Variants in TAF4B observed in about 807,000 individuals in gnomAD.
The protein encoded by TAF4B is transcription initiation factor TFIID subunit 4B.
Under a neutral mutation model 86.4 loss-of-function variants are expected in TAF4B, and 38 were observed. The ratio of observed to expected loss-of-function variants is 0.44; its 90% CI spans 0.34 to 0.58. The LOEUF is 0.58. TAF4B is among the 20% of genes least tolerant of loss of function. TAF4B has a pLI of 0.02. For missense variants in TAF4B, 988 were observed against 1,027.6 expected, an observed-to-expected ratio of 0.96 and a Z score of 0.53; for synonymous variants, 388 against 391.2, an observed-to-expected ratio of 0.99 and a Z score of 0.10.
chr18:26,334,611 G>A (rs1361425638), intron 12 of TAF4B, among the ~76,000 whole-genome samples: 2 of 152,130 alleles, frequency 1.3e-5, no homozygotes, highest in African/African-American at 4.8e-5. Flanking sequence ...ATGGTGCACA[G>A]CATTCTATTA....
chr18:26,322,794 C>T lies in TAF4B; in HGVS notation c.2133+1594C>T, dbSNP rs75451607. On this transcript the variant is annotated intron_variant, in intron 11 of 14. Transcript: ENST00000269142. ...TTCTAAGCTTCAGGCTTAGTTTGCT[C>T]TTCTTTTTTTTTAGTTTCATAAGAT... Among the ~76,000 whole-genome samples, 97 of 151,894 alleles carry T rather than the reference C, an allele frequency of 6.4e-4. 1 individual carries two copies. The East Asian group carries it at 9.9e-3, about 15-fold the overall frequency.
intron 10 of TAF4B, among the ~76,000 whole-genome samples, chr18:26,319,746 C>A (rs1034445887): frequency 6.6e-6 from 1 of 151,986 alleles, no homozygotes; most frequent in African/African-American, 2.4e-5. Flanking sequence ...TGCACCACCA[C>A]GACCAGCTAT....
chr18:26,339,630 T>G (rs775700486), intron 13 of TAF4B, among the ~76,000 whole-genome samples: 7 of 152,216 alleles, frequency 4.6e-5, no homozygotes, highest in Non-Finnish European at 1.0e-4. Flanking sequence ...GCCCGCTGAA[T>G]TGTTTTTTAA....
chr18:26,260,640 T>C (rs1355370974), intron 1 of TAF4B, among the ~76,000 whole-genome samples: 3 of 152,240 alleles, frequency 2.0e-5, no homozygotes. Flanking sequence ...CATTGGTCTA[T>C]ATTTTTCATC....
intron 1 of TAF4B, 131 bp downstream of exon 1, chr18:26,227,407 A>G (rs966338221): frequency 2.5e-6 from 2 of 797,870 alleles, no homozygotes; most frequent in Admixed American, 3.0e-5. Context: ...TACAGTTAAC[A>G]TATTCTTTTT....
intron 14 of TAF4B, among the ~76,000 whole-genome samples, chr18:26,388,646 T>C (rs1332861965): frequency 6.6e-6 from 1 of 152,184 alleles, no homozygotes; most frequent in Non-Finnish European, 1.5e-5. Context: ...TCTTTGCTAA[T>C]CTCTGCCTAT....
chr18:26,354,571 T>C (rs1185091380), intron 13 of TAF4B, among the ~76,000 whole-genome samples: 1 of 152,228 alleles, frequency 6.6e-6, no homozygotes, highest in Admixed American at 6.5e-5. Flanking sequence ...TGGCTTGAGC[T>C]GTTAGAAACT....
chr18:26,383,543 G>T (rs985217921), intron 14 of TAF4B, among the ~76,000 whole-genome samples: 2 of 152,144 alleles, frequency 1.3e-5, no homozygotes, highest in African/African-American at 2.4e-5. Context: ...CATTCAATTG[G>T]AAATCATTAA....
intron 9 of TAF4B, among the ~76,000 whole-genome samples, chr18:26,312,284 G>A (rs1008016443): frequency 3.3e-5 from 5 of 152,162 alleles, no homozygotes; most frequent in African/African-American, 1.2e-4. Context: ...TTACTGATAT[G>A]CTGCTAGAAC....
intron 14 of TAF4B, among the ~76,000 whole-genome samples, chr18:26,385,507 A>G (rs1978324487): frequency 6.6e-6 from 1 of 152,020 alleles, no homozygotes; most frequent in African/African-American, 2.4e-5. Context: ...AGGTTTGAGT[A>G]GGCTTCCTAG....
At chr18:26,336,655 C>T (rs138226404) in intron 13 of TAF4B, among the ~76,000 whole-genome samples, 2 of 152,226 alleles carry the variant, frequency 1.3e-5, no homozygotes, top group Non-Finnish European at 2.9e-5. Context: ...GAGAACTGTA[C>T]CTATAATTCT....
At chr18:26,324,327 G>C (rs1282061931) in intron 11 of TAF4B, among the ~76,000 whole-genome samples, 3 of 152,120 alleles carry the variant, frequency 2.0e-5, no homozygotes, top group Non-Finnish European at 4.4e-5. Flanking sequence ...GGCCAGGCTG[G>C]TCTCAAACTC....
chr18:26,337,233 G>A (rs546530999), intron 13 of TAF4B, among the ~76,000 whole-genome samples: 1 of 152,190 alleles, frequency 6.6e-6, no homozygotes, highest in Non-Finnish European at 1.5e-5. Context: ...TCCAAGAACA[G>A]AGCCACTCTG....
At chr18:26,289,301 T>G (rs2056564053) in intron 7 of TAF4B, among the ~76,000 whole-genome samples, 1 of 152,200 alleles carries the variant, frequency 6.6e-6, no homozygotes, top group Non-Finnish European at 1.5e-5. Flanking sequence ...CCATGCAGCT[T>G]ATAAGAAATA....
At position 26,274,990 on chromosome 18, in the gene TAF4B, A is replaced by G; in HGVS notation, c.819A>G (p.Ala273=). ...TCCTTGCAATGTTAATAAAACTAGC[A>G]TGTAGTGGATCACAGTCCCCAGAAA... ...KNFLAMLIKL[A]CSGSQSPEMG... is the part of the protein sequence containing the mutation. The change falls in exon 5 of 15, where the codon GCA becomes GCG. Residue 273 remains alanine (A), a synonymous_variant. Transcript: ENST00000269142. The G allele has an allele frequency of 1.9e-6, 3 of 1,612,902 alleles. No individual in the cohort carries two copies. The highest frequency in any genetic ancestry group is 2.5e-6 in the Non-Finnish European group (3 of 1,179,848).
intron 1 of TAF4B, among the ~76,000 whole-genome samples, chr18:26,251,252 T>A (rs2056002596): frequency 6.6e-6 from 1 of 152,198 alleles, no homozygotes. Flanking sequence ...AATCTGCGTT[T>A]TCCTAACCCT....
At chr18:26,300,545 T>C (rs1454133695) in intron 9 of TAF4B, among the ~76,000 whole-genome samples, 1 of 151,420 alleles carries the variant, frequency 6.6e-6, no homozygotes, top group East Asian at 1.9e-4. Flanking sequence ...TATTTGATGC[T>C]TTTCTGGAAT....
At chr18:26,255,955 A>G (rs1469634028) in intron 1 of TAF4B, 6 of 1,314,720 alleles carry the variant, frequency 4.6e-6, no homozygotes, top group South Asian at 1.2e-5. Flanking sequence ...TTACTGTAAC[A>G]AGGAGATTGA....
chr18:26,343,614 C>CAG (rs2057153275), intron 13 of TAF4B, among the ~76,000 whole-genome samples: 1 of 152,186 alleles, frequency 6.6e-6, no homozygotes, highest in African/African-American at 2.4e-5. Context: ...CTAGAATACC[C>CAG]AGAGTTTCAT....
Sources: allele counts gnomAD v4.1 joint callset (sites outside exome capture counted in the v4.1 genomes callset), GRCh38; gene constraint gnomAD v4.1.1; transcripts MANE v1.5; gene names NCBI Gene and HGNC (gene_info 2026-07-23, HGNC 2026-07-21).